Variants in SLC22A2 observed in about 807,000 individuals in gnomAD.
The protein encoded by SLC22A2 is solute carrier family 22 member 2, also known as organic cation transporter 2.
In SLC22A2, 46 loss-of-function variants were observed where a neutral mutation model predicts 60.5. The observed-to-expected ratio is 0.76, with a 90% CI of 0.60 to 0.97. The LOEUF (loss-of-function observed/expected upper bound fraction) is 0.97. Among genes scored for constraint, SLC22A2 ranks in the 50% least tolerant of loss-of-function variants. The pLI, the probability that SLC22A2 is intolerant of heterozygous loss-of-function variation, is 0.00. For synonymous variants in SLC22A2, 303 were observed against 267.0 expected (o/e 1.13, Z -1.31); for missense variants, 701 against 706.6 (o/e 0.99, Z 0.09).
In SLC22A2 at chr6:160,225,142, C is replaced by T. The variant is rs547015560; in HGVS notation, c.1502-338G>A. Among the ~76,000 whole-genome samples the T allele has an allele frequency of 1.9e-3, 290 of 152,188 alleles. 4 individuals are homozygous for T. Among genetic ancestry groups the T allele is most frequent in the African/African-American group, 5.4e-3 (224 of 41,530 alleles). On this transcript the variant is annotated intron_variant, in intron 9 of 10. Transcript: ENST00000366953. ...TATGAAAAGGAGGACTGTAACCCTT[C>T]CAGTTTAAATCACTTAGTAAGGAAA...
intron 9 of SLC22A2, among the ~76,000 whole-genome samples, chr6:160,227,853 C>A (rs180686610): frequency 5.9e-5 from 9 of 152,278 alleles, no homozygotes; most frequent in Admixed American, 5.9e-4. Context: ...AGCTATAACC[C>A]ACCAAAACCA....
At chr6:160,236,865 G>GA (rs1422809577) in intron 9 of SLC22A2, among the ~76,000 whole-genome samples, 7 of 150,652 alleles carry the variant, frequency 4.6e-5, no homozygotes, top group Non-Finnish European at 4.4e-5. Context: ...GCTTGGCTTT[G>GA]AAAAAAAAAG....
chr6:160,249,437 T>C lies in SLC22A2; in HGVS notation c.674-53A>G, dbSNP rs1583400252. 9 of 1,443,026 alleles carry C rather than the reference T, an allele frequency of 6.2e-6. No individual in the cohort carries two copies. The East Asian group carries it at 2.1e-4, about 34-fold the overall frequency. 89.4% of individuals were successfully genotyped at this position (1,443,026 alleles called of 1,614,324 possible). On this transcript the variant is annotated intron_variant, in intron 3 of 10. Coordinates refer to ENST00000366953, the MANE Select transcript of SLC22A2 (RefSeq NM_003058.4). The stretch of plus-strand genomic sequence containing the variant: ...CAATTCAATACAATAATGAGTTGGC[T>C]GTCCAGCTATCAGGAAACTAGAACA...
chr6:160,241,827 A>G (rs1343984392), intron 8 of SLC22A2, among the ~76,000 whole-genome samples: 1 of 151,974 alleles, frequency 6.6e-6, no homozygotes, highest in African/African-American at 2.4e-5. Flanking sequence ...CAAAAATAAA[A>G]TGTTCAAGAG....
intron 9 of SLC22A2, among the ~76,000 whole-genome samples, chr6:160,231,897 T>G (rs10945657): frequency 0.098 from 14,938 of 151,914 alleles, 872 homozygotes; most frequent in Non-Finnish European, 0.12. Flanking sequence ...GTGGTCGGAA[T>G]TCTTATACAA....
rs751231906 is a variant in SLC22A2 at position 160,224,761 on chromosome 6, T to G, written c.1545A>C (p.Pro515=). The part of the protein sequence containing the change: ...LVAGGLVLLL[P]ETKGKALPET... ...CAGGCAAAGCTTTCCCTTTAGTTTC[T>G]GGAAGCAACAGCACCAGACCTCCAG... Residue 515 remains proline (P), a synonymous_variant, in exon 10 of 11, where the codon CCA becomes CCC. Coordinates refer to ENST00000366953, the MANE Select transcript of SLC22A2 (RefSeq NM_003058.4). The G allele has an allele frequency of 1.2e-6, 2 of 1,603,424 alleles. No individual in the cohort carries two copies. Among genetic ancestry groups the G allele is most frequent in the African/African-American group, 2.7e-5 (2 of 74,690 alleles).
chr6:160,254,997 G>T (rs1447755931), intron 2 of SLC22A2, among the ~76,000 whole-genome samples: 1 of 152,186 alleles, frequency 6.6e-6, no homozygotes, highest in Non-Finnish European at 1.5e-5. Flanking sequence ...CCTCTACCTG[G>T]TGGCGGAGGA....
chr6:160,219,600 GT>G (rs59747069), intron 10 of SLC22A2, among the ~76,000 whole-genome samples: 116,605 of 142,708 alleles, frequency 0.82, 48,078 homozygotes, highest in East Asian at 0.96. Flanking sequence ...TCTCTGGCCT[GT>G]TTTTTTTTTT....
chr6:160,228,072 G>A (rs965412372), intron 9 of SLC22A2, among the ~76,000 whole-genome samples: 6 of 152,250 alleles, frequency 3.9e-5, no homozygotes, highest in African/African-American at 1.2e-4. Flanking sequence ...TGCTCTGCCT[G>A]TGGAGTAGCC....
chr6:160,220,680 A>T (rs1782630801), intron 10 of SLC22A2, among the ~76,000 whole-genome samples: 1 of 152,182 alleles, frequency 6.6e-6, no homozygotes, highest in Non-Finnish European at 1.5e-5. Context: ...TGCAGAATGG[A>T]TGTTGTGTTA....
At chr6:160,243,199 T>C (rs1490738374) in intron 7 of SLC22A2, among the ~76,000 whole-genome samples, 2 of 152,170 alleles carry the variant, frequency 1.3e-5, no homozygotes, top group Non-Finnish European at 2.9e-5. Context: ...ATTTTTCTCA[T>C]TTATTCTGCA....
intron 9 of SLC22A2, among the ~76,000 whole-genome samples, chr6:160,227,366 C>A (rs1051922850): frequency 2.0e-5 from 3 of 152,218 alleles, no homozygotes; most frequent in Admixed American, 2.0e-4. Context: ...CTCTTTCAAG[C>A]AATTGCCAAT....
chr6:160,258,457 A>G lies in SLC22A2; in HGVS notation c.301T>C (p.Phe101Leu), dbSNP rs1013323019. Residue 101 changes from phenylalanine (F) to leucine (L), a missense_variant, in exon 1 of 11, where the codon TTC (phenylalanine) becomes CTC (leucine). Phe to Leu is a conservative substitution (Grantham distance 22, BLOSUM62 0). Coordinates refer to ENST00000366953, the MANE Select transcript of SLC22A2 (RefSeq NM_003058.4). Reference protein sequence around the residue: ...RYEVDWNQSTFDCVDPLASLD... With the variant: ...RYEVDWNQSTLDCVDPLASLD... ...CTGGCCAGGGGGTCCACGCAGTCGA[A>G]GGTGCTCTGGTTCCAGTCCACCTCG... The G allele has an allele frequency of 1.9e-6, 3 of 1,614,020 alleles. No individual in the cohort carries two copies. Among genetic ancestry groups the G allele is most frequent in the Non-Finnish European group, 2.5e-6 (3 of 1,180,032 alleles).
At chr6:160,250,854 G>C in intron 2 of SLC22A2, 152 bp from the exon 3 acceptor site, 1 of 737,210 alleles carries the variant, frequency 1.4e-6, no homozygotes, top group South Asian at 1.9e-5. Context: ...GCCACAAAGG[G>C]AATCTGTGAC....
chr6:160,234,620 G>A (rs926371749), intron 9 of SLC22A2, among the ~76,000 whole-genome samples: 3 of 152,200 alleles, frequency 2.0e-5, no homozygotes, highest in Non-Finnish European at 4.4e-5. Context: ...GTCCTTGGGA[G>A]CTTGAACTTG....
chr6:160,243,421 A>G, intron 7 of SLC22A2, 151 bp downstream of exon 7: 1 of 636,852 alleles, frequency 1.6e-6, no homozygotes, highest in Non-Finnish European at 2.7e-6. Context: ...GGCCATATGA[A>G]TTTGCTCAGA....
intron 9 of SLC22A2, among the ~76,000 whole-genome samples, chr6:160,236,737 G>A (rs1210032129): frequency 6.6e-6 from 1 of 152,106 alleles, no homozygotes; most frequent in Admixed American, 6.6e-5. Flanking sequence ...TTCCTGACCT[G>A]TGGTAAGTAA....
At chr6:160,249,913 T>C (rs1783156320) in intron 3 of SLC22A2, among the ~76,000 whole-genome samples, 1 of 152,192 alleles carries the variant, frequency 6.6e-6, no homozygotes, top group South Asian at 2.1e-4. Context: ...TGCTGGGGAA[T>C]TTTACAAGCT....
intron 1 of SLC22A2, 112 bp downstream of exon 1, chr6:160,258,232 G>T: frequency 8.1e-7 from 1 of 1,227,462 alleles, no homozygotes; most frequent in Non-Finnish European, 1.1e-6. Flanking sequence ...ATACATGCAG[G>T]CCAAAGAGAT....
Sources: allele counts gnomAD v4.1 joint callset (sites outside exome capture counted in the v4.1 genomes callset), GRCh38; gene constraint gnomAD v4.1.1; transcripts MANE v1.5; gene names NCBI Gene and HGNC (gene_info 2026-07-23, HGNC 2026-07-21).